Variants in ARHGAP31 observed in about 807,000 individuals in gnomAD.
ARHGAP31 encodes rho GTPase-activating protein 31.
Under a neutral mutation model 113.9 loss-of-function variants are expected in ARHGAP31, and 34 were observed. The ratio of observed to expected loss-of-function variants is 0.30; its 90% CI spans 0.23 to 0.40. The LOEUF (loss-of-function observed/expected upper bound fraction) is 0.40. Ranked by LOEUF, ARHGAP31 falls within the 10% of genes least tolerant of loss-of-function variation. The pLI is 1.00. For missense variants in ARHGAP31, 1,548 were observed against 1,767.1 expected, an observed-to-expected ratio of 0.88 and a Z score of 2.22; for synonymous variants, 650 against 684.8, an observed-to-expected ratio of 0.95 and a Z score of 0.79.
intron 1 of ARHGAP31, among the ~76,000 whole-genome samples, chr3:119,305,445 C>T (rs886688864): frequency 8.5e-5 from 13 of 152,194 alleles, no homozygotes; most frequent in African/African-American, 3.1e-4. Flanking sequence ...TTCCTGCATG[C>T]TGGGTATTAT....
intron 1 of ARHGAP31, among the ~76,000 whole-genome samples, chr3:119,312,764 T>C (rs1184918023): frequency 1.3e-5 from 2 of 152,232 alleles, no homozygotes; most frequent in South Asian, 2.1e-4. Context: ...AAACTTGCTC[T>C]ATCTGTGCTG....
chr3:119,355,016 C>G (rs891321853), intron 1 of ARHGAP31, among the ~76,000 whole-genome samples: 3 of 152,182 alleles, frequency 2.0e-5, no homozygotes, highest in Non-Finnish European at 4.4e-5. Flanking sequence ...CCACTCTCCT[C>G]AAATCACACC....
At chr3:119,343,879 G>A (rs1176909859) in intron 1 of ARHGAP31, among the ~76,000 whole-genome samples, 1 of 152,240 alleles carries the variant, frequency 6.6e-6, no homozygotes, top group East Asian at 1.9e-4. Flanking sequence ...GACATCTGCT[G>A]CTGCCCATCT....
intron 7 of ARHGAP31, among the ~76,000 whole-genome samples, chr3:119,392,842 A>C (rs988372812): frequency 1.3e-5 from 2 of 152,210 alleles, no homozygotes; most frequent in Admixed American, 1.3e-4. Flanking sequence ...AGTCCGTGAA[A>C]GTCTTCACCA....
chr3:119,419,381 C>T lies in ARHGAP31; in HGVS notation c.*3117C>T, dbSNP rs915649052. The T allele has an allele frequency of 2.0e-5, 3 of 152,106 alleles. No individual in the cohort carries two copies. Among genetic ancestry groups the T allele is most frequent in the African/African-American group, 7.2e-5 (3 of 41,406 alleles). 9.4% of individuals were successfully genotyped at this position (152,106 alleles called of 1,614,324 possible). The stretch of plus-strand genomic sequence containing the variant: ...AATATGAAGAAATCTGAACAAGAAC[C>T]CCATTAAGACACCTAACCTAATCTA... On this transcript the variant is annotated 3_prime_UTR_variant, in exon 12 of 12. Transcript: ENST00000264245.
chr3:119,324,340 G>C (rs979824773), intron 1 of ARHGAP31, among the ~76,000 whole-genome samples: 2 of 152,070 alleles, frequency 1.3e-5, no homozygotes, highest in African/African-American at 4.8e-5. Context: ...ACAATTTTAA[G>C]GTTACACTTG....
intron 1 of ARHGAP31, among the ~76,000 whole-genome samples, chr3:119,332,319 C>A (rs972826879): frequency 9.2e-5 from 14 of 151,996 alleles, no homozygotes; most frequent in African/African-American, 3.4e-4. Flanking sequence ...CCTCTCTCAG[C>A]CTCCCAAGTG....
At chr3:119,309,091 C>G (rs570501087) in intron 1 of ARHGAP31, among the ~76,000 whole-genome samples, 2 of 152,316 alleles carry the variant, frequency 1.3e-5, no homozygotes, top group East Asian at 1.9e-4. Flanking sequence ...TTCCACTCAC[C>G]TTTGCCTCCC....
intron 1 of ARHGAP31, among the ~76,000 whole-genome samples, chr3:119,296,464 A>G (rs2079534907): frequency 6.6e-6 from 1 of 152,192 alleles, no homozygotes; most frequent in Non-Finnish European, 1.5e-5. Context: ...TTTACAATGA[A>G]AGGTTCCTCT....
chr3:119,368,078 A>G (rs879193022), intron 2 of ARHGAP31, among the ~76,000 whole-genome samples: 2 of 152,124 alleles, frequency 1.3e-5, no homozygotes, highest in Admixed American at 1.3e-4. Flanking sequence ...AATTATGTTG[A>G]TATTTCCCCA....
chr3:119,350,426 A>C (rs1367778721), intron 1 of ARHGAP31, among the ~76,000 whole-genome samples: 1 of 152,194 alleles, frequency 6.6e-6, no homozygotes, highest in Non-Finnish European at 1.5e-5. Flanking sequence ...TTTTTTATAA[A>C]TGTTCCCCAT....
intron 1 of ARHGAP31, among the ~76,000 whole-genome samples, chr3:119,346,928 C>T (rs2080062970): frequency 3.9e-5 from 6 of 152,110 alleles, no homozygotes; most frequent in Admixed American, 3.9e-4. Context: ...AATGATCTGA[C>T]GGTCTCTTCC....
chr3:119,410,324 T>C (rs2099821883), intron 11 of ARHGAP31, among the ~76,000 whole-genome samples: 1 of 152,198 alleles, frequency 6.6e-6, no homozygotes, highest in Non-Finnish European at 1.5e-5. Flanking sequence ...AAGAAGGTTT[T>C]TATGGGATGT....
chr3:119,332,635 T>TCACG (rs2079904948), intron 1 of ARHGAP31, among the ~76,000 whole-genome samples: 1 of 85,664 alleles, frequency 1.2e-5, no homozygotes, highest in Non-Finnish European at 2.1e-5. Flanking sequence ...TCTCTCTCTC[T>TCACG]CACACACACA....
At chr3:119,397,422 C>T (rs1471166027) in intron 8 of ARHGAP31, among the ~76,000 whole-genome samples, 1 of 152,166 alleles carries the variant, frequency 6.6e-6, no homozygotes, top group East Asian at 1.9e-4. Context: ...AAATACAGCT[C>T]CTGGAAAACA....
intron 9 of ARHGAP31, 133 bp downstream of exon 9, chr3:119,399,394 C>A: frequency 1.3e-6 from 1 of 785,206 alleles, no homozygotes; most frequent in Non-Finnish European, 2.2e-6. Context: ...AAATCCCTCA[C>A]TGACCCTACC....
intron 3 of ARHGAP31, among the ~76,000 whole-genome samples, chr3:119,380,250 C>T (rs2080384513): frequency 6.6e-6 from 1 of 152,100 alleles, no homozygotes; most frequent in Admixed American, 6.5e-5. Context: ...GCAGCTGAGT[C>T]CTTGAGGTCA....
intron 1 of ARHGAP31, among the ~76,000 whole-genome samples, chr3:119,336,709 T>C (rs1340059321): frequency 2.0e-5 from 3 of 152,382 alleles, no homozygotes; most frequent in Non-Finnish European, 4.4e-5. Context: ...TCAATAGTTT[T>C]AGTATAATCA....
At chr3:119,402,497 G>C in intron 10 of ARHGAP31, 100 bp downstream of exon 10, 2 of 1,313,050 alleles carry the variant, frequency 1.5e-6, no homozygotes. Context: ...GGTTAAGCCT[G>C]TGGGCTCTAG....
Sources: gnomAD v4.1 joint callset for allele counts (sites outside exome capture counted in the v4.1 genomes callset) on GRCh38, gnomAD v4.1.1 for gene constraint, MANE v1.5 for transcripts, NCBI Gene and HGNC (gene_info 2026-07-23, HGNC 2026-07-21) for gene names.